The following PRUNE2 variants were observed in gnomAD, a reference collection of about 807,000 sequenced individuals.
The protein encoded by PRUNE2 is prune homolog 2 with BCH domain.
A neutral mutation model predicts 252.0 loss-of-function variants in PRUNE2; 164 were observed. The observed-to-expected ratio is 0.65, with a 90% CI of 0.57 to 0.74. The LOEUF (loss-of-function observed/expected upper bound fraction) is 0.74. Ranked by LOEUF, PRUNE2 falls within the 30% of genes least tolerant of loss-of-function variation. The pLI, the probability that PRUNE2 is intolerant of heterozygous loss-of-function variation, is 0.00. For missense variants in PRUNE2, 3,495 were observed against 3,711.0 expected (o/e 0.94, Z 1.51); for synonymous variants, 1,292 against 1,350.2 (o/e 0.96, Z 0.94).
At chr9:76,861,031 C>T (rs767312481) in intron 1 of PRUNE2, among the ~76,000 whole-genome samples, 1 of 152,164 alleles carries the variant, frequency 6.6e-6, no homozygotes, top group African/African-American at 2.4e-5. Context: ...GGAGACCTAA[C>T]GTGCTGCTCA....
chr9:76,818,624 C>T (rs1014767701), intron 6 of PRUNE2, among the ~76,000 whole-genome samples: 2 of 152,094 alleles, frequency 1.3e-5, no homozygotes, highest in South Asian at 2.1e-4. Flanking sequence ...AGAGAGAAAA[C>T]GGCCCTGAAC....
chr9:76,879,816 A>G (rs1183968444), intron 1 of PRUNE2, among the ~76,000 whole-genome samples: 2 of 146,640 alleles, frequency 1.4e-5, no homozygotes, highest in African/African-American at 5.1e-5. Context: ...TCTGATTAAC[A>G]CAAGGCCCCG....
chr9:76,651,551 A>T lies in PRUNE2; in HGVS notation c.8557+932T>A, dbSNP rs142928499. Among the ~76,000 whole-genome samples, 744 of 152,330 alleles carry T rather than the reference A, an allele frequency of 4.9e-3. 6 individuals are homozygous for T. The highest frequency in any genetic ancestry group is 0.016 in the African/African-American group (678 of 41,572). ...TCTCTCGCTTTCACTTTCAAATATT[A>T]TAACTTCAGAGAATTCCACCCTGGC... On this transcript the variant is annotated intron_variant, in intron 11 of 18. Transcript: ENST00000376718.
rs567871249 is a variant in PRUNE2 at position 76,850,747 on chromosome 9, C to A, written c.142-82G>T. Reference sequence around the variant, plus strand: ...TACATTTTCTCCAGCCTGGGGGTAACTGGTAAAAGGAATAGGAGTCTTCTG... The same window carrying A: ...TACATTTTCTCCAGCCTGGGGGTAAATGGTAAAAGGAATAGGAGTCTTCTG... On this transcript the variant is annotated intron_variant, in intron 2 of 18. Transcript: ENST00000376718. The A allele has an allele frequency of 6.8e-5, 73 of 1,070,102 alleles. No individual in the cohort carries two copies. In the African/African-American group the frequency reaches 1.1e-3, roughly 15 times the overall value. 66.3% of individuals were successfully genotyped at this position (1,070,102 alleles called of 1,614,324 possible). A position where few individuals can be genotyped will look rare whatever the true frequency, so the allele number is the denominator to read the frequency against.
intron 6 of PRUNE2, among the ~76,000 whole-genome samples, chr9:76,726,238 T>C (rs945051127): frequency 6.6e-6 from 1 of 152,160 alleles, no homozygotes; most frequent in Non-Finnish European, 1.5e-5. Flanking sequence ...GGCAAAACAA[T>C]TGAGGTAGAT....
chr9:76,904,446 G>A (rs1052941745), intron 1 of PRUNE2, among the ~76,000 whole-genome samples: 2 of 152,148 alleles, frequency 1.3e-5, no homozygotes, highest in African/African-American at 4.8e-5. Flanking sequence ...GTGAAAAACA[G>A]ATACAGCCCA....
At chr9:76,629,450 G>A (rs912499818) in intron 15 of PRUNE2, among the ~76,000 whole-genome samples, 160 bp from the exon 16 acceptor site, 50 of 152,084 alleles carry the variant, frequency 3.3e-4, no homozygotes, top group Non-Finnish European at 7.4e-5. Flanking sequence ...GCCAGACACT[G>A]TTTTGTTGTT....
chr9:76,661,527 G>A (rs1181799519), intron 9 of PRUNE2, among the ~76,000 whole-genome samples: 2 of 152,220 alleles, frequency 1.3e-5, no homozygotes, highest in Non-Finnish European at 2.9e-5. Flanking sequence ...ACAGGCATGA[G>A]CCACTGCACC....
chr9:76,732,186 T>C (rs926262313), intron 6 of PRUNE2, among the ~76,000 whole-genome samples: 39 of 151,816 alleles, frequency 2.6e-4, no homozygotes, highest in Non-Finnish European at 3.1e-4. Flanking sequence ...TGGTGGTGGG[T>C]GCCTGTAGTC....
At chr9:76,789,435 A>G (rs954786122) in intron 6 of PRUNE2, among the ~76,000 whole-genome samples, 1 of 152,212 alleles carries the variant, frequency 6.6e-6, no homozygotes, top group African/African-American at 2.4e-5. Flanking sequence ...TGGTCTTCTC[A>G]CTGTATCCAG....
intron 6 of PRUNE2, among the ~76,000 whole-genome samples, chr9:76,769,208 C>A (rs943353288): frequency 1.1e-4 from 17 of 152,310 alleles, no homozygotes; most frequent in African/African-American, 3.6e-4. Flanking sequence ...TCGTATAAAT[C>A]TCTTGCCCTT....
chr9:76,902,564 C>T (rs1217630203), intron 1 of PRUNE2, among the ~76,000 whole-genome samples: 4 of 152,198 alleles, frequency 2.6e-5, no homozygotes, highest in Non-Finnish European at 5.9e-5. Flanking sequence ...GCGGGGCTTG[C>T]TCTCAGATTG....
intron 6 of PRUNE2, among the ~76,000 whole-genome samples, chr9:76,805,564 G>A (rs1457824064): frequency 6.6e-6 from 1 of 152,078 alleles, no homozygotes; most frequent in African/African-American, 2.4e-5. Flanking sequence ...CACTGCACTG[G>A]AGCCTGTGTG....
chr9:76,834,951 C>A (rs942960664), intron 4 of PRUNE2, among the ~76,000 whole-genome samples: 1 of 152,138 alleles, frequency 6.6e-6, no homozygotes, highest in African/African-American at 2.4e-5. Flanking sequence ...TAACTTACAG[C>A]AAATTTTGCA....
chr9:76,895,412 T>G (rs1264891486), intron 1 of PRUNE2, among the ~76,000 whole-genome samples: 3 of 152,210 alleles, frequency 2.0e-5, no homozygotes, highest in African/African-American at 7.2e-5. Context: ...CATGATCACT[T>G]GTTATAAACC....
intron 6 of PRUNE2, among the ~76,000 whole-genome samples, chr9:76,723,210 T>G (rs1761956351): frequency 6.6e-6 from 1 of 152,220 alleles, no homozygotes; most frequent in South Asian, 2.1e-4. Context: ...TGCAGTAGTA[T>G]GTACTTTTGA....
intron 6 of PRUNE2, among the ~76,000 whole-genome samples, chr9:76,818,210 T>C (rs2057813038): frequency 6.6e-6 from 1 of 152,164 alleles, no homozygotes; most frequent in African/African-American, 2.4e-5. Context: ...GGTACTTTCA[T>C]CTTGGCCACC....
At chr9:76,715,819 G>A (rs1252067706) in intron 6 of PRUNE2, among the ~76,000 whole-genome samples, 2 of 152,010 alleles carry the variant, frequency 1.3e-5, no homozygotes, top group Non-Finnish European at 1.5e-5. Flanking sequence ...CCATCATTGA[G>A]GGTGAATCAA....
Position 76,708,276 on chromosome 9 carries a change from G to C in PRUNE2, c.3998C>G (p.Ala1333Gly), listed in dbSNP as rs769865278. Residue 1333 changes from alanine (A) to glycine (G), a missense_variant, in exon 8 of 19, where the codon GCC becomes GGC. Physicochemically the swap from Ala to Gly is moderately conservative, Grantham distance 60. Transcript: ENST00000376718. ...QSESEKEAQG[A>G]TDRGHLDEEE... is the part of the protein sequence containing the mutation. ...TTCATCAAGGTGCCCCCTGTCAGTG[G>C]CTCCCTGGGCTTCCTTCTCACTTTC... The C allele has an allele frequency of 6.2e-7, 1 of 1,613,632 alleles. No individual in the cohort carries two copies. The highest frequency in any genetic ancestry group is 8.5e-7 in the Non-Finnish European group (1 of 1,179,848).
Sources: allele counts gnomAD v4.1 joint callset (sites outside exome capture counted in the v4.1 genomes callset), GRCh38; gene constraint gnomAD v4.1.1; transcripts MANE v1.5; gene names NCBI Gene and HGNC (gene_info 2026-07-23, HGNC 2026-07-21).